TAF3: variants seen among roughly 807,000 people sequenced by gnomAD.
The protein encoded by TAF3 is transcription initiation factor TFIID subunit 3.
Under a neutral mutation model 80.6 loss-of-function variants are expected in TAF3, and 7 were observed. That is an observed-to-expected ratio of 0.09 (90% CI 0.05 to 0.16). The LOEUF is 0.16. Ranked by LOEUF, TAF3 falls within the 10% of genes least tolerant of loss-of-function variation. TAF3 has a pLI of 1.00. For missense variants in TAF3, 921 were observed against 1,140.2 expected (o/e 0.81, Z 2.77); for synonymous variants, 444 against 446.1 (o/e 1.00, Z 0.06).
chr10:7,990,291 G>A (rs1038763688), intron 4 of TAF3, among the ~76,000 whole-genome samples: 3 of 152,244 alleles, frequency 2.0e-5, no homozygotes, highest in African/African-American at 4.8e-5. Context: ...ACAATTGTGA[G>A]TGGTAAATGG....
At chr10:7,914,056 ACCGAT>A (rs1837682271) in intron 2 of TAF3, among the ~76,000 whole-genome samples, 1 of 152,200 alleles carries the variant, frequency 6.6e-6, no homozygotes, top group African/African-American at 2.4e-5. Context: ...TCTTTTAGAT[ACCGAT>A]TCAAAGAAAC....
chr10:7,898,524 C>T lies in TAF3; in HGVS notation c.410-65396C>T, dbSNP rs374339793. On this transcript the variant is annotated intron_variant, in intron 2 of 6. Coordinates refer to ENST00000344293, the MANE Select transcript of TAF3 (RefSeq NM_031923.4). ...TCACGCCACTGCGCTCCAGATTGGG[C>T]GACAGAACAAGACTCTGTCTCAAAA... Among the ~76,000 whole-genome samples, 23 of 134,162 alleles carry T rather than the reference C, an allele frequency of 1.7e-4. No homozygotes were observed. The South Asian group carries it at 4.3e-3, about 25-fold the overall frequency. 88.0% of individuals were successfully genotyped at this position (134,162 alleles called of 152,430 possible).
chr10:7,876,017 TAA>T (rs1389862694), intron 2 of TAF3, among the ~76,000 whole-genome samples: 6 of 151,778 alleles, frequency 4.0e-5, no homozygotes, highest in Admixed American at 1.3e-4. Context: ...ATCATACTAT[TAA>T]ACTTTTAAAT....
At chr10:7,981,634 C>A (rs1414073764) in intron 4 of TAF3, among the ~76,000 whole-genome samples, 3 of 152,166 alleles carry the variant, frequency 2.0e-5, no homozygotes, top group African/African-American at 7.2e-5. Flanking sequence ...AACCACTTTA[C>A]CTCTGGCATT....
At chr10:8,004,721 A>G (rs1156437744) in intron 4 of TAF3, among the ~76,000 whole-genome samples, 2 of 151,792 alleles carry the variant, frequency 1.3e-5, no homozygotes, top group African/African-American at 4.8e-5. Context: ...CTCTCTATCT[A>G]TGATATTTTA....
chr10:7,929,369 A>G (rs1325223983), intron 2 of TAF3, among the ~76,000 whole-genome samples: 1 of 152,034 alleles, frequency 6.6e-6, no homozygotes, highest in East Asian at 1.9e-4. Context: ...ACAAGGAAGT[A>G]GTACCTCTGG....
Position 7,847,512 on chromosome 10 carries a change from A to G in TAF3, c.409+22952A>G, listed in dbSNP as rs1836983501. Among the ~76,000 whole-genome samples, 3 of 152,046 alleles carry G rather than the reference A, an allele frequency of 2.0e-5. No individual in the cohort carries two copies. The South Asian group carries it at 6.2e-4, about 32-fold the overall frequency. The stretch of plus-strand genomic sequence containing the variant: ...CAGGCTGGAGCGCAGTGGTGCAGTC[A>G]TAGCTCCCTGAAGCCCTGACTTCCT... On this transcript the variant is annotated intron_variant, in intron 2 of 6. Transcript: ENST00000344293.
Position 7,963,923 on chromosome 10 carries a change from A to C in TAF3, c.413A>C (p.Glu138Ala), listed in dbSNP as rs372355248. The change falls in exon 3 of 7, where the codon GAA becomes GCA. Residue 138 changes from glutamate (E) to alanine (A), a missense_variant. Physicochemically the swap from Glu to Ala is moderately radical, Grantham distance 107 (BLOSUM62 -1). This residue lies in a region of TAF3 where 106 missense variants were observed against 191.8 expected (regional missense o/e 0.55). Transcript: ENST00000344293. Reference protein sequence around the residue: ...LPPIVSSQEEEEEEQVPTDGG... With the variant: ...LPPIVSSQEEAEEEQVPTDGG... ...TTCCTTTTTCTTCCTTTACCAGAAG[A>C]AGAAGAAGAGCAGGTGCCCACTGAT... The C allele has an allele frequency of 6.4e-7, 1 of 1,556,326 alleles. No homozygotes were observed. Among genetic ancestry groups the C allele is most frequent in the African/African-American group, 1.4e-5 (1 of 72,178 alleles).
At chr10:7,948,430 G>A (rs1838048090) in intron 2 of TAF3, among the ~76,000 whole-genome samples, 1 of 152,128 alleles carries the variant, frequency 6.6e-6, no homozygotes, top group Non-Finnish European at 1.5e-5. Flanking sequence ...TATGATGGAT[G>A]TGATAACTTT....
chr10:7,872,232 T>TC (rs1837273971), intron 2 of TAF3, among the ~76,000 whole-genome samples: 1 of 145,808 alleles, frequency 6.9e-6, no homozygotes, highest in Non-Finnish European at 1.5e-5. Flanking sequence ...TTTTTTTTTT[T>TC]TCTTTCTTTC....
chr10:7,851,748 G>A (rs1407100619), intron 2 of TAF3, among the ~76,000 whole-genome samples: 3 of 151,880 alleles, frequency 2.0e-5, no homozygotes, highest in African/African-American at 4.8e-5. Flanking sequence ...GCATATCTAC[G>A]GTAGTATTAT....
rs111802899 is a variant in TAF3, at chr10:7,913,104, G to A, written c.410-50816G>A. On this transcript the variant is annotated intron_variant, in intron 2 of 6. Transcript: ENST00000344293. The stretch of plus-strand genomic sequence containing the variant: ...CCCTTTCCTCTCCGCACACACGCCC[G>A]TGATGTCTCTCTTCCTCTTCCTCTA... Among the ~76,000 whole-genome samples the A allele has an allele frequency of 4.5e-3, 679 of 152,248 alleles. 4 individuals carry two copies. The highest frequency in any genetic ancestry group is 0.015 in the African/African-American group (617 of 41,536).
rs1234460587 is a variant in TAF3 at position 7,964,926 on chromosome 10, G to C, written c.1416G>C (p.Glu472Asp). 1.2e-6 allele frequency: 2 copies of C among 1,614,120 alleles called. No individual in the cohort carries two copies. The change falls in exon 3 of 7, where the codon GAG (glutamate) becomes GAC (aspartate). Residue 472 changes from glutamate to aspartate, a missense_variant. Glu to Asp is a conservative substitution (Grantham distance 45, BLOSUM62 2). Coordinates refer to ENST00000344293, the MANE Select transcript of TAF3 (RefSeq NM_031923.4). This position sits in a 1 kb window ranked among gnomAD's most constrained non-coding sequence, Gnocchi z 4.1. ...NSWTMDASID[E>D]VVRKAKLGTP... The stretch of plus-strand genomic sequence containing the variant: ...GGACAATGGATGCCTCCATTGATGA[G>C]GTTGTACGTAAAGCAAAACTGGGAA...
intron 2 of TAF3, among the ~76,000 whole-genome samples, chr10:7,884,920 A>C (rs185275554): frequency 2.7e-4 from 41 of 152,276 alleles, no homozygotes; most frequent in African/African-American, 9.4e-4. Context: ...TATCTGTGTA[A>C]TTCTAGAATA....
At chr10:7,847,906 A>G (rs948260850) in intron 2 of TAF3, among the ~76,000 whole-genome samples, 1 of 152,120 alleles carries the variant, frequency 6.6e-6, no homozygotes, top group Admixed American at 6.5e-5. Context: ...AGTAGCTGAG[A>G]CTACAGGCAC....
intron 3 of TAF3, among the ~76,000 whole-genome samples, chr10:7,970,446 A>C (rs1411417740): frequency 6.6e-6 from 1 of 152,262 alleles, no homozygotes; most frequent in African/African-American, 2.4e-5. Context: ...GTAGCCAGTG[A>C]GGGGAGGGGG....
intron 4 of TAF3, among the ~76,000 whole-genome samples, chr10:7,978,123 A>T (rs1305953351): frequency 6.6e-6 from 1 of 152,196 alleles, no homozygotes; most frequent in Non-Finnish European, 1.5e-5. Context: ...AAATTCTACA[A>T]CCTTACTTTT....
In TAF3 at chr10:7,977,270, G is replaced by C. The variant is rs771116832; in HGVS notation, c.2262G>C (p.Pro754=). 4.3e-6 allele frequency: 7 copies of C among 1,613,996 alleles called. No individual in the cohort carries two copies. The East Asian group carries it at 1.3e-4, about 31-fold the overall frequency. The change falls in exon 4 of 7, where the codon CCG becomes CCC. Residue 754 remains proline (P), a synonymous_variant. Coordinates refer to ENST00000344293, the MANE Select transcript of TAF3 (RefSeq NM_031923.4). ...AAGTGGAACCAGTCGCTCTGGCCCC[G>C]AGTCCAGTTATCCCCAGATTAACTC... is the stretch of plus-strand genomic sequence containing the variant. ...KIKVEPVALA[P]SPVIPRLTLR...
chr10:7,937,933 C>A (rs1837937030), intron 2 of TAF3, among the ~76,000 whole-genome samples: 1 of 152,120 alleles, frequency 6.6e-6, no homozygotes. Context: ...CTTTTAAGAC[C>A]AGTCAGTGGA....
Sources: gnomAD v4.1 joint callset for allele counts (sites outside exome capture counted in the v4.1 genomes callset) on GRCh38, gnomAD v4.1.1 for gene constraint, gnomAD v4.1.1 regional missense constraint, Gnocchi (gnomAD v3.1) non-coding constraint, MANE v1.5 for transcripts, NCBI Gene and HGNC (gene_info 2026-07-23, HGNC 2026-07-21) for gene names.